ATP13A3: variants seen among roughly 807,000 people sequenced by gnomAD.
ATP13A3 encodes the protein ATPase 13A3, also known as polyamine-transporting ATPase 13A3.
In ATP13A3, 59 loss-of-function variants were observed where a neutral mutation model predicts 158.1. That is an observed-to-expected ratio of 0.37 (90% CI 0.30 to 0.46). The LOEUF (loss-of-function observed/expected upper bound fraction) is 0.46, where lower values mean the gene tolerates loss of function less well. ATP13A3 is among the 20% of genes least tolerant of loss of function. The probability of loss-of-function intolerance (pLI) is 1.00; values close to 1 mark genes in which losing one functional copy is unlikely to be tolerated. For synonymous variants in ATP13A3, 491 were observed against 504.3 expected (o/e 0.97, Z 0.35); for missense variants, 1,166 against 1,525.2 (o/e 0.76, Z 3.92).
At chr3:194,410,319 A>AAAAC (rs1715293529) in intron 33 of ATP13A3, among the ~76,000 whole-genome samples, 2 of 145,636 alleles carry the variant, frequency 1.4e-5, no homozygotes, top group African/African-American at 5.2e-5. Context: ...AAAAAAAAAA[A>AAAAC]AAAAAAAAAA....
At chr3:194,470,738 T>C (rs1250788545) in intron 2 of ATP13A3, among the ~76,000 whole-genome samples, 1 of 152,242 alleles carries the variant, frequency 6.6e-6, no homozygotes, top group Admixed American at 6.5e-5. Context: ...TTAAAAAGTA[T>C]GTAACTTTTT....
chr3:194,482,407 G>A (rs145827731), intron 2 of ATP13A3, among the ~76,000 whole-genome samples: 68 of 152,204 alleles, frequency 4.5e-4, no homozygotes, highest in African/African-American at 1.4e-3. Context: ...AACACAAATC[G>A]TTTTAACTCC....
At chr3:194,447,175 G>C in intron 13 of ATP13A3, 60 bp from the exon 14 acceptor site, 2 of 1,403,290 alleles carry the variant, frequency 1.4e-6, no homozygotes, top group South Asian at 1.3e-5. Flanking sequence ...TTTAATATGG[G>C]TATTTCTTTA....
chr3:194,453,768 A>G lies in ATP13A3; in HGVS notation c.776T>C (p.Met259Thr), dbSNP rs1170557037. The change falls in exon 10 of 34, where the codon ATG (methionine) becomes ACG (threonine). Residue 259 changes from methionine (M) to threonine (T), a missense_variant. Physicochemically the swap from Met to Thr is moderately conservative, Grantham distance 81. Around this residue, in one of 3 missense-constraint regions of ATP13A3, gnomAD observed 997 missense variants for 1,341.2 expected, o/e 0.74. Transcript: ENST00000645319. Reference sequence around the variant, plus strand: ...ATGAGTTGCCACCATGTCATGCAACATAACATATTGCTGAAAGAGGAAAAA... The same window carrying G: ...ATGAGTTGCCACCATGTCATGCAACGTAACATATTGCTGAAAGAGGAAAAA... ...SLYSIRKQYV[M>T]LHDMVATHST... is the part of the protein sequence containing the mutation. The G allele has an allele frequency of 2.5e-6, 4 of 1,613,504 alleles. No homozygotes were observed. Among genetic ancestry groups the G allele is most frequent in the Non-Finnish European group, 3.4e-6 (4 of 1,179,596 alleles).
intron 21 of ATP13A3, 82 bp downstream of exon 21, chr3:194,433,690 T>C: frequency 6.5e-7 from 1 of 1,534,746 alleles, no homozygotes; most frequent in Non-Finnish European, 8.9e-7. Context: ...AATATGATTT[T>C]ATAACTGATT....
At chr3:194,472,279 AAC>A (rs1318423445) in intron 2 of ATP13A3, among the ~76,000 whole-genome samples, 2 of 152,154 alleles carry the variant, frequency 1.3e-5, no homozygotes, top group African/African-American at 4.8e-5. Flanking sequence ...CCAAAAAAAA[AAC>A]ACAGTCAACC....
chr3:194,411,699 A>G (rs1715448234), intron 33 of ATP13A3, among the ~76,000 whole-genome samples: 2 of 152,214 alleles, frequency 1.3e-5, no homozygotes, highest in African/African-American at 2.4e-5. Context: ...GGAGAAAGCC[A>G]AAAAGCCACT....
chr3:194,421,671 T>C (rs1017787457), intron 30 of ATP13A3, among the ~76,000 whole-genome samples: 9 of 151,900 alleles, frequency 5.9e-5, no homozygotes, highest in Admixed American at 6.6e-5. Context: ...TCATGTAAGT[T>C]CTATGGTCAT....
chr3:194,434,018 T>C, intron 20 of ATP13A3, 122 bp from the exon 21 acceptor site: 1 of 1,063,996 alleles, frequency 9.4e-7, no homozygotes, highest in Non-Finnish European at 1.3e-6. Context: ...GTTTAAAATA[T>C]CTATAAATGA....
At position 194,423,582 on chromosome 3, in the gene ATP13A3, C is replaced by T. The variant is rs1218951143; in HGVS notation, c.3313+1760G>A. Among the ~76,000 whole-genome samples, 4 of 152,206 alleles carry T rather than the reference C, an allele frequency of 2.6e-5. No individual in the cohort carries two copies. The East Asian group carries it at 7.7e-4, about 29-fold the overall frequency. On this transcript the variant is annotated intron_variant, in intron 30 of 33. Coordinates refer to ENST00000645319, the MANE Select transcript of ATP13A3 (RefSeq NM_001367549.1). ...AAGGCATGCTTTACAACAGCAAGTG[C>T]TTCTGTTTACCCACTGAGAGAAGTA...
At chr3:194,483,161 G>C (rs540510114) in intron 2 of ATP13A3, among the ~76,000 whole-genome samples, 1 of 151,010 alleles carries the variant, frequency 6.6e-6, no homozygotes, top group Non-Finnish European at 1.5e-5. Flanking sequence ...GCACACACCC[G>C]TTGTCCCAAC....
chr3:194,434,040 AT>A, intron 20 of ATP13A3, 144 bp from the exon 21 acceptor site: 1 of 881,234 alleles, frequency 1.1e-6, no homozygotes, highest in Non-Finnish European at 1.7e-6. Context: ...AACATTTTAT[AT>A]GCTGAATAAA....
rs1719126244 is a variant in ATP13A3 at position 194,455,064 on chromosome 3, CTT to C, written c.631-674_631-673del. Among the ~76,000 whole-genome samples the C allele has an allele frequency of 3.3e-5, 5 of 152,232 alleles. No individual in the cohort carries two copies. In the South Asian group the frequency reaches 1.0e-3, roughly 32 times the overall value. On this transcript the variant is annotated intron_variant, in intron 8 of 33. Transcript: ENST00000645319. ...TGCTCTGGGCTAATAGAATACAAAACTTTTAACGAAATTGAAAAATGTTTGCT... is the reference window on the plus strand; with the variant it reads ...TGCTCTGGGCTAATAGAATACAAAACTTAACGAAATTGAAAAATGTTTGCT...
rs551076689 is a variant in ATP13A3, at chr3:194,482,696, G to A, written c.-47+3098C>T. ...GTTAATTAGAACATGGTTTTGGCTG[G>A]GCAAGGTGGCTCATGTCTGTAATTC... is the stretch of plus-strand genomic sequence containing the variant. On this transcript the variant is annotated intron_variant, in intron 2 of 33. Transcript: ENST00000645319. Among the ~76,000 whole-genome samples, 3 of 152,262 alleles carry A rather than the reference G, an allele frequency of 2.0e-5. No individual in the cohort carries two copies. In the South Asian group the frequency reaches 6.2e-4, roughly 32 times the overall value.
intron 3 of ATP13A3, 80 bp downstream of exon 3, chr3:194,462,059 TG>T: frequency 1.4e-6 from 2 of 1,394,578 alleles, no homozygotes; most frequent in Non-Finnish European, 2.0e-6. Context: ...TGTTGTTAAT[TG>T]CATTTTTCTA....
intron 6 of ATP13A3, chr3:194,459,241 T>C (rs1466899859): frequency 1.5e-5 from 7 of 480,268 alleles, no homozygotes; most frequent in Non-Finnish European, 2.7e-5. Context: ...TTTGGCATCA[T>C]ACTGACTCTA....
At chr3:194,472,354 G>C (rs1320167053) in intron 2 of ATP13A3, among the ~76,000 whole-genome samples, 1 of 151,960 alleles carries the variant, frequency 6.6e-6, no homozygotes, top group Non-Finnish European at 1.5e-5. Flanking sequence ...CTTCACGCTG[G>C]TCTCAACTTC....
At chr3:194,467,517 A>C (rs1720066140) in intron 2 of ATP13A3, among the ~76,000 whole-genome samples, 1 of 152,188 alleles carries the variant, frequency 6.6e-6, no homozygotes, top group African/African-American at 2.4e-5. Flanking sequence ...AAAGTGCTAA[A>C]AATAAACAAT....
At position 194,437,313 on chromosome 3, in the gene ATP13A3, G is replaced by T. The variant is rs757874820; in HGVS notation, c.1997C>A (p.Thr666Lys). The change falls in exon 19 of 34, where the codon ACA (threonine) becomes AAA (lysine). Residue 666 changes from threonine (T) to lysine (K), a missense_variant and splice_region_variant. Physicochemically the swap from Thr to Lys is moderately conservative, Grantham distance 78 (BLOSUM62 -1). This residue lies in a region of ATP13A3 where 997 missense variants were observed against 1,341.2 expected (regional missense o/e 0.74). Transcript: ENST00000645319. ...CCAAAGCATAGATATTTCCTTACCT[G>T]TTTCAGGTTTACAGAGACCGGCAAT... ...EAIAGLCKPE[T>K]VPVDFQNVLE... 1 of 1,614,206 alleles carries T rather than the reference G, an allele frequency of 6.2e-7. No homozygotes were observed. The highest frequency in any genetic ancestry group is 1.1e-5 in the South Asian group (1 of 91,084).
Sources: allele counts gnomAD v4.1 joint callset (sites outside exome capture counted in the v4.1 genomes callset), GRCh38; gene constraint gnomAD v4.1.1; regional missense constraint gnomAD v4.1.1; transcripts MANE v1.5; gene names NCBI Gene and HGNC (gene_info 2026-07-23, HGNC 2026-07-21).